KDM3B: variants seen among roughly 807,000 people sequenced by gnomAD.
The protein encoded by KDM3B is lysine demethylase 3B.
A neutral mutation model predicts 170.0 loss-of-function variants in KDM3B; 10 were observed. That is an observed-to-expected ratio of 0.06 (90% CI 0.04 to 0.10). The LOEUF (loss-of-function observed/expected upper bound fraction) is 0.10. Ranked by LOEUF, KDM3B falls within the 10% of genes least tolerant of loss-of-function variation. The pLI is 1.00. For missense variants in KDM3B, 1,394 were observed against 2,195.2 expected (o/e 0.64, Z 7.29); for synonymous variants, 831 against 834.8 (o/e 1.00, Z 0.08).
intron 20 of KDM3B, among the ~76,000 whole-genome samples, chr5:138,428,949 T>C (rs1254707930): frequency 4.8e-5 from 7 of 145,732 alleles, no homozygotes; most frequent in Admixed American, 6.8e-5. Flanking sequence ...TCTTTTTTTT[T>C]TTTTTTTTTT....
intron 3 of KDM3B, among the ~76,000 whole-genome samples, chr5:138,376,405 T>G (rs1350384909): frequency 6.6e-6 from 1 of 152,068 alleles, no homozygotes; most frequent in Non-Finnish European, 1.5e-5. Flanking sequence ...TCTGAGTCCC[T>G]TCAGAAGAGG....
chr5:138,393,695 G>A (rs1447806453), intron 9 of KDM3B, among the ~76,000 whole-genome samples: 1 of 152,138 alleles, frequency 6.6e-6, no homozygotes, highest in Non-Finnish European at 1.5e-5. Flanking sequence ...TCATATTATG[G>A]ATCTACCTGA....
At chr5:138,353,380 A>C (rs750629900) in intron 1 of KDM3B, among the ~76,000 whole-genome samples, 1 of 152,224 alleles carries the variant, frequency 6.6e-6, no homozygotes, top group Non-Finnish European at 1.5e-5. Context: ...TGTGGTCCCC[A>C]GCCTCTCCCA....
chr5:138,393,074 A>T (rs1407782011), intron 8 of KDM3B, 97 bp from the exon 9 acceptor site: 5 of 1,133,678 alleles, frequency 4.4e-6, no homozygotes, highest in Non-Finnish European at 5.3e-6. Flanking sequence ...AGGAGTAGCA[A>T]CCCAGGTCAG....
In KDM3B at chr5:138,383,289, C is replaced by A. The variant is rs1025646846; in HGVS notation, c.780+1699C>A. 2.6e-5 allele frequency among the ~76,000 whole-genome samples: 4 copies of A among 152,014 alleles called. No homozygotes were observed. In the East Asian group the frequency reaches 7.7e-4, roughly 29 times the overall value. On this transcript the variant is annotated intron_variant, in intron 6 of 23. Coordinates refer to ENST00000314358, the MANE Select transcript of KDM3B (RefSeq NM_016604.4). ...GAGTAGCTGGGACTACAGGCGCACACCACCATGCCCAGCTAATTTTTGTAT... is the reference window on the plus strand; with the variant it reads ...GAGTAGCTGGGACTACAGGCGCACAACACCATGCCCAGCTAATTTTTGTAT...
intron 15 of KDM3B, 22 bp from the exon 16 acceptor site, chr5:138,424,053 C>T: frequency 6.6e-7 from 1 of 1,519,112 alleles, no homozygotes; most frequent in Non-Finnish European, 8.8e-7. Context: ...TCAAGCTTAC[C>T]TGGTGGATTT....
At chr5:138,396,387 G>A (rs544733378) in intron 9 of KDM3B, among the ~76,000 whole-genome samples, 12 of 152,166 alleles carry the variant, frequency 7.9e-5, no homozygotes, top group Non-Finnish European at 1.3e-4. Context: ...GAGCCACTGC[G>A]CCCGGCCAAG....
chr5:138,433,674 G>A (rs1479105802), intron 23 of KDM3B, among the ~76,000 whole-genome samples: 1 of 151,940 alleles, frequency 6.6e-6, no homozygotes, highest in African/African-American at 2.4e-5. Flanking sequence ...CTCCCAAAGC[G>A]CTGGAATTAC....
chr5:138,399,244 A>C (rs1233691721), intron 10 of KDM3B, among the ~76,000 whole-genome samples: 2 of 151,684 alleles, frequency 1.3e-5, no homozygotes, highest in African/African-American at 4.8e-5. Context: ...CCCAGTTAAA[A>C]ATTTTTCAAT....
chr5:138,352,728 A>G lies in KDM3B; in HGVS notation c.-68A>G. On this transcript the variant is annotated 5_prime_UTR_variant, in exon 1 of 24. Coordinates refer to ENST00000314358, the MANE Select transcript of KDM3B (RefSeq NM_016604.4). Reference sequence around the variant, plus strand: ...GTGCGGAGGGAGGCCTTGCGGGCGGATCGGGCGCTTGGCGGCGGAGGTGGT... The same window carrying G: ...GTGCGGAGGGAGGCCTTGCGGGCGGGTCGGGCGCTTGGCGGCGGAGGTGGT... 3 of 1,119,732 alleles carry G rather than the reference A, an allele frequency of 2.7e-6. No homozygotes were observed. The highest frequency in any genetic ancestry group is 3.3e-6 in the Non-Finnish European group (3 of 917,274). 69.4% of individuals were successfully genotyped at this position (1,119,732 alleles called of 1,614,324 possible). A position where few individuals can be genotyped will look rare whatever the true frequency, so the allele number is the denominator to read the frequency against.
chr5:138,405,247 T>C lies in KDM3B; in HGVS notation c.3199+5235T>C, dbSNP rs915102162. The stretch of plus-strand genomic sequence containing the variant: ...TTAGTAGAGATGGGGTTTCACTGTG[T>C]TGGCAGGCTGGTCTTGAACTCCTGA... On this transcript the variant is annotated intron_variant, in intron 11 of 23. Transcript: ENST00000314358. Among the ~76,000 whole-genome samples the C allele has an allele frequency of 2.0e-5, 3 of 150,624 alleles. No individual in the cohort carries two copies. In the East Asian group the frequency reaches 5.9e-4, roughly 30 times the overall value.
At chr5:138,382,406 C>G (rs746222777) in intron 6 of KDM3B, among the ~76,000 whole-genome samples, 1 of 151,984 alleles carries the variant, frequency 6.6e-6, no homozygotes, top group Non-Finnish European at 1.5e-5. Flanking sequence ...GAGCTGAGAT[C>G]GCACCATTGC....
At chr5:138,412,919 G>A (rs1441018423) in intron 11 of KDM3B, among the ~76,000 whole-genome samples, 1 of 152,200 alleles carries the variant, frequency 6.6e-6, no homozygotes, top group African/African-American at 2.4e-5. Context: ...CTACAGGTGT[G>A]AGCTACCATG....
chr5:138,355,523 A>G (rs1383882757), intron 1 of KDM3B, among the ~76,000 whole-genome samples: 1 of 152,242 alleles, frequency 6.6e-6, no homozygotes, highest in African/African-American at 2.4e-5. Context: ...AGCAGAAGCC[A>G]TGCTGACAAA....
chr5:138,355,368 A>G (rs1177653455), intron 1 of KDM3B, among the ~76,000 whole-genome samples: 1 of 152,262 alleles, frequency 6.6e-6, no homozygotes, highest in African/African-American at 2.4e-5. Flanking sequence ...TATAAAATAC[A>G]GTACTGATCC....
intron 1 of KDM3B, among the ~76,000 whole-genome samples, chr5:138,358,079 C>T (rs1413222557): frequency 6.6e-6 from 1 of 151,408 alleles, no homozygotes; most frequent in Non-Finnish European, 1.5e-5. Flanking sequence ...CTCACTGCAA[C>T]CTCTGCCTCC....
At chr5:138,399,834 C>T (rs1307024980) in intron 10 of KDM3B, 26 bp from the exon 11 acceptor site, 2 of 1,606,832 alleles carry the variant, frequency 1.2e-6, no homozygotes, top group Non-Finnish European at 8.5e-7. Flanking sequence ...ATGATCAATG[C>T]CAATTCTGTT....
Position 138,431,416 on chromosome 5 carries a change from C to T in KDM3B, c.5071-9C>T. On this transcript the variant is annotated splice_polypyrimidine_tract_variant and intron_variant, in intron 22 of 23. Coordinates refer to ENST00000314358, the MANE Select transcript of KDM3B (RefSeq NM_016604.4). ...CTGATATTTCTCCTCTGCACTTTGC[C>T]CTTCTCAGGTTCACAATCTATACAG... is the stretch of plus-strand genomic sequence containing the variant. The T allele has an allele frequency of 6.3e-7, 1 of 1,581,172 alleles. No individual in the cohort carries two copies. Among genetic ancestry groups the T allele is most frequent in the East Asian group, 2.3e-5 (1 of 43,790 alleles).
In KDM3B at chr5:138,358,791, TA is replaced by T. The variant is rs1343934350; in HGVS notation, c.192+5805del. 1.3e-3 allele frequency among the ~76,000 whole-genome samples: 161 copies of T among 124,012 alleles called. 1 individual carries two copies. Among genetic ancestry groups the T allele is most frequent in the Non-Finnish European group, 4.8e-4 (28 of 58,108 alleles). 81.4% of individuals were successfully genotyped at this position (124,012 alleles called of 152,430 possible). A position where few individuals can be genotyped will look rare whatever the true frequency, so the allele number is the denominator to read the frequency against. On this transcript the variant is annotated intron_variant, in intron 1 of 23. Coordinates refer to ENST00000314358, the MANE Select transcript of KDM3B (RefSeq NM_016604.4). Reference sequence around the variant, plus strand: ...TTATTTATTTATTTATTTTTATTTTTATTTTTTTATTATTATTATACTTTAA... The same window carrying T: ...TTATTTATTTATTTATTTTTATTTTTTTTTTTTATTATTATTATACTTTAA...
Sources: gnomAD v4.1 joint callset for allele counts (sites outside exome capture counted in the v4.1 genomes callset) on GRCh38, gnomAD v4.1.1 for gene constraint, MANE v1.5 for transcripts, NCBI Gene and HGNC (gene_info 2026-07-23, HGNC 2026-07-21) for gene names.